Variants in PRICKLE2 observed in about 807,000 individuals in gnomAD.
The protein encoded by PRICKLE2 is prickle planar cell polarity protein 2, also known as prickle-like protein 2.
In PRICKLE2, 21 loss-of-function variants were observed where a neutral mutation model predicts 81.4. That is an observed-to-expected ratio of 0.26 (90% confidence interval 0.18 to 0.37). The LOEUF is 0.37. PRICKLE2 is among the 10% of genes least tolerant of loss of function. PRICKLE2 has a pLI of 1.00. For missense variants in PRICKLE2, 940 were observed against 1,109.0 expected, an observed-to-expected ratio of 0.85 and a Z score of 2.16; for synonymous variants, 456 against 421.5, an observed-to-expected ratio of 1.08 and a Z score of -1.00.
intron 2 of PRICKLE2, among the ~76,000 whole-genome samples, chr3:64,181,704 A>G (rs746821656): frequency 2.5e-4 from 38 of 152,198 alleles, no homozygotes; most frequent in Non-Finnish European, 4.9e-4. Context: ...TGTTAAGTGA[A>G]GGGAGCAAAG....
chr3:64,223,722 T>C (rs1378615401), intron 1 of PRICKLE2, among the ~76,000 whole-genome samples: 4 of 152,152 alleles, frequency 2.6e-5, no homozygotes, highest in South Asian at 4.1e-4. Flanking sequence ...TTCCAAAATA[T>C]GGTAATTATG....
intron 1 of PRICKLE2, among the ~76,000 whole-genome samples, chr3:64,219,446 T>C (rs1317662413): frequency 6.6e-6 from 1 of 152,174 alleles, no homozygotes; most frequent in African/African-American, 2.4e-5. Context: ...CCAGAAGAAT[T>C]CCCTATGTTC....
chr3:64,201,505 A>T (rs769626641), intron 1 of PRICKLE2, among the ~76,000 whole-genome samples: 1 of 152,160 alleles, frequency 6.6e-6, no homozygotes. Flanking sequence ...ATGATGTTGA[A>T]TATCTTTTTA....
At position 64,176,934 on chromosome 3, in the gene PRICKLE2, C is replaced by A. The variant is rs542397572; in HGVS notation, c.145-13805G>T. On this transcript the variant is annotated intron_variant, in intron 2 of 7. Coordinates refer to ENST00000638394, the MANE Select transcript of PRICKLE2 (RefSeq NM_198859.4). ...CCTGCGGGTTATAGTTTGCGTATAG[C>A]CATAAAACCCTAAAGGGCCTATATT... is the stretch of plus-strand genomic sequence containing the variant. Among the ~76,000 whole-genome samples, 65 of 152,088 alleles carry A rather than the reference C, an allele frequency of 4.3e-4. 1 individual carries two copies. Among genetic ancestry groups the A allele is most frequent in the Non-Finnish European group, 7.9e-4 (54 of 68,004 alleles).
intron 7 of PRICKLE2, among the ~76,000 whole-genome samples, chr3:64,129,647 G>T (rs1157674557): frequency 6.6e-6 from 1 of 152,136 alleles, no homozygotes; most frequent in East Asian, 1.9e-4. Flanking sequence ...GAAGGAACAA[G>T]GAGAAGAGAG....
rs768948792 is a variant in PRICKLE2 at position 64,099,441 on chromosome 3, G to C, written c.2145C>G (p.Pro715=). 4 of 1,587,204 alleles carry C rather than the reference G, an allele frequency of 2.5e-6. No homozygotes were observed. In the African/African-American group the frequency reaches 4.1e-5, roughly 16 times the overall value. Residue 715 remains proline (P), a synonymous_variant, in exon 8 of 8, where the codon CCC becomes CCG. Coordinates refer to ENST00000638394, the MANE Select transcript of PRICKLE2 (RefSeq NM_198859.4). This position sits in a 1 kb window ranked among gnomAD's most constrained non-coding sequence, Gnocchi z 4.3. The part of the protein sequence containing the change: ...REAISRLKDR[P]PLRAREDYDQ... ...CATAGTCCTCCCTGGCTCTCAGAGGGGGCCTATCTTTTAACCGGGAGATGG... is the reference window on the plus strand; with the variant it reads ...CATAGTCCTCCCTGGCTCTCAGAGGCGGCCTATCTTTTAACCGGGAGATGG...
chr3:64,173,136 A>G (rs1243601883), intron 2 of PRICKLE2, among the ~76,000 whole-genome samples: 1 of 152,258 alleles, frequency 6.6e-6, no homozygotes, highest in Non-Finnish European at 1.5e-5. Context: ...AAGTAGACAA[A>G]TGACTACAAT....
intron 2 of PRICKLE2, among the ~76,000 whole-genome samples, chr3:64,233,053 G>A (rs541227885): frequency 6.6e-6 from 1 of 152,134 alleles, no homozygotes; most frequent in Non-Finnish European, 1.5e-5. Context: ...AACAGAGAAC[G>A]TACAGCCTGC....
intron 1 of PRICKLE2, among the ~76,000 whole-genome samples, chr3:64,214,770 A>G (rs1312420604): frequency 6.6e-6 from 1 of 151,978 alleles, no homozygotes; most frequent in Non-Finnish European, 1.5e-5. Context: ...TGAAGGATGT[A>G]CCCCTCCTCC....
intron 7 of PRICKLE2, among the ~76,000 whole-genome samples, chr3:64,114,621 C>T (rs755532721): frequency 3.3e-5 from 5 of 151,022 alleles, no homozygotes; most frequent in Non-Finnish European, 5.9e-5. Flanking sequence ...AAAAGAATCT[C>T]AGAGCTTGAA....
intron 6 of PRICKLE2, among the ~76,000 whole-genome samples, chr3:64,151,559 G>A (rs2077547890): frequency 6.6e-6 from 1 of 152,186 alleles, no homozygotes; most frequent in Non-Finnish European, 1.5e-5. Context: ...ACAGAAACAG[G>A]AAAAACAGAA....
intron 7 of PRICKLE2, 179 bp from the exon 8 acceptor site, chr3:64,100,104 T>A: frequency 3.2e-6 from 2 of 632,922 alleles, no homozygotes; most frequent in South Asian, 3.8e-5. Flanking sequence ...CCACAGTAGG[T>A]CACTATCTAC....
chr3:64,122,620 T>C (rs557494057), intron 7 of PRICKLE2, among the ~76,000 whole-genome samples: 2 of 152,312 alleles, frequency 1.3e-5, no homozygotes, highest in African/African-American at 4.8e-5. Context: ...TCTGAAAAAC[T>C]GCCTGTTAGG....
intron 2 of PRICKLE2, among the ~76,000 whole-genome samples, chr3:64,264,093 C>A (rs2079658927): frequency 6.6e-6 from 1 of 151,972 alleles, no homozygotes; most frequent in Non-Finnish European, 1.5e-5. Flanking sequence ...CCACCAAGAG[C>A]AAATGCTTGA....
At chr3:64,123,494 G>A (rs1327406315) in intron 7 of PRICKLE2, among the ~76,000 whole-genome samples, 1 of 152,204 alleles carries the variant, frequency 6.6e-6, no homozygotes, top group African/African-American at 2.4e-5. Context: ...GTTTTATTGA[G>A]CATCACCTTA....
intron 2 of PRICKLE2, among the ~76,000 whole-genome samples, chr3:64,234,936 T>C (rs1350068739): frequency 6.6e-6 from 1 of 152,206 alleles, no homozygotes; most frequent in Non-Finnish European, 1.5e-5. Flanking sequence ...TCGGAAGTCT[T>C]CTACCATTAT....
In PRICKLE2 at chr3:64,098,969, C is replaced by T. The variant is rs982129446; in HGVS notation, c.*82G>A. 1.9e-6 allele frequency: 3 copies of T among 1,549,024 alleles called. No individual in the cohort carries two copies. The highest frequency in any genetic ancestry group is 1.1e-5 in the South Asian group (1 of 89,178). On this transcript the variant is annotated 3_prime_UTR_variant, in exon 8 of 8. Coordinates refer to ENST00000638394, the MANE Select transcript of PRICKLE2 (RefSeq NM_198859.4). The stretch of plus-strand genomic sequence containing the variant: ...CTCCCCCATAAGCCACCCCCAAAAG[C>T]GCTTTAACATTTAAAACAGTGCAAG...
chr3:64,239,410 AAAGT>A (rs1008466946), intron 2 of PRICKLE2, among the ~76,000 whole-genome samples: 18 of 152,270 alleles, frequency 1.2e-4, no homozygotes, highest in African/African-American at 4.1e-4. Flanking sequence ...GGAATGAAAG[AAAGT>A]TACAGTCAGC....
At chr3:64,261,214 A>C (rs764884881) in intron 2 of PRICKLE2, among the ~76,000 whole-genome samples, 1 of 152,186 alleles carries the variant, frequency 6.6e-6, no homozygotes. Flanking sequence ...AAGCACATTA[A>C]TCTCTACAAC....
Sources: allele counts gnomAD v4.1 joint callset (sites outside exome capture counted in the v4.1 genomes callset), GRCh38; gene constraint gnomAD v4.1.1; non-coding constraint Gnocchi (gnomAD v3.1); transcripts MANE v1.5; gene names NCBI Gene and HGNC (gene_info 2026-07-23, HGNC 2026-07-21).